FSTL5: variants seen among roughly 807,000 people sequenced by gnomAD.
The protein encoded by FSTL5 is follistatin like 5.
FSTL5 carries 62 observed loss-of-function variants against 89.1 expected under a neutral mutation model. The ratio of observed to expected loss-of-function variants is 0.70; its 90% CI spans 0.57 to 0.86. The LOEUF is 0.86. Ranked by LOEUF, FSTL5 falls within the 40% of genes least tolerant of loss-of-function variation. The probability of loss-of-function intolerance (pLI) is 0.00; values close to 1 mark genes in which losing one functional copy is unlikely to be tolerated. For synonymous variants in FSTL5, 383 were observed against 346.2 expected (o/e 1.11, Z -1.18); for missense variants, 1,057 against 1,001.6 (o/e 1.06, Z -0.75).
At chr4:161,739,137 T>C (rs1739915966) in intron 6 of FSTL5, among the ~76,000 whole-genome samples, 1 of 152,188 alleles carries the variant, frequency 6.6e-6, no homozygotes, top group South Asian at 2.1e-4. Flanking sequence ...ATCCCCAGTA[T>C]TTTAGAATGT....
intron 6 of FSTL5, among the ~76,000 whole-genome samples, chr4:161,715,647 C>T (rs1738948301): frequency 6.6e-6 from 1 of 152,162 alleles, no homozygotes; most frequent in Admixed American, 6.5e-5. Context: ...ACTCCTAACT[C>T]CTACAACCAA....
At chr4:161,838,145 C>G (rs1487296403) in intron 4 of FSTL5, among the ~76,000 whole-genome samples, 1 of 152,028 alleles carries the variant, frequency 6.6e-6, no homozygotes, top group Non-Finnish European at 1.5e-5. Flanking sequence ...TAAAACTCAA[C>G]TAAAGCAAAA....
At chr4:161,525,443 C>T (rs1731184600) in intron 10 of FSTL5, among the ~76,000 whole-genome samples, 1 of 152,100 alleles carries the variant, frequency 6.6e-6, no homozygotes, top group African/African-American at 2.4e-5. Flanking sequence ...GGTAATACTC[C>T]GTTGGTGTTC....
At chr4:161,527,934 G>T (rs935777790) in intron 10 of FSTL5, among the ~76,000 whole-genome samples, 68 of 149,430 alleles carry the variant, frequency 4.6e-4, no homozygotes, top group South Asian at 1.1e-3. Flanking sequence ...AGAAAATGTG[G>T]CACATATACA....
intron 8 of FSTL5, among the ~76,000 whole-genome samples, chr4:161,564,971 A>G (rs1287197609): frequency 6.6e-6 from 1 of 151,938 alleles, no homozygotes; most frequent in Non-Finnish European, 1.5e-5. Context: ...ATTTTATAAA[A>G]CTATATGATG....
chr4:161,575,414 G>A (rs1408975623), intron 8 of FSTL5, among the ~76,000 whole-genome samples: 1 of 151,930 alleles, frequency 6.6e-6, no homozygotes. Flanking sequence ...TGAAGTCTTT[G>A]CCCATGCCTA....
intron 10 of FSTL5, among the ~76,000 whole-genome samples, chr4:161,514,905 T>C (rs896055771): frequency 1.3e-5 from 2 of 152,060 alleles, no homozygotes; most frequent in African/African-American, 4.8e-5. Context: ...AAATTTTGTT[T>C]GCAATAGCTT....
chr4:161,782,867 G>A (rs1419367244), intron 4 of FSTL5, among the ~76,000 whole-genome samples: 2 of 152,132 alleles, frequency 1.3e-5, no homozygotes, highest in Admixed American at 6.6e-5. Flanking sequence ...CAATAAAGAT[G>A]TTCTAGTATC....
intron 3 of FSTL5, among the ~76,000 whole-genome samples, chr4:162,012,973 C>A (rs1341682233): frequency 6.6e-6 from 1 of 152,060 alleles, no homozygotes; most frequent in East Asian, 1.9e-4. Flanking sequence ...CACATGAGGT[C>A]AGGAGTTCAA....
chr4:161,438,769 AAACT>A (rs547949824), intron 15 of FSTL5, among the ~76,000 whole-genome samples: 312 of 152,288 alleles, frequency 2.0e-3, no homozygotes, highest in Admixed American at 3.9e-3. Flanking sequence ...ATTTTTTTAC[AAACT>A]AACTATTATA....
intron 2 of FSTL5, among the ~76,000 whole-genome samples, chr4:162,068,782 C>T (rs943298339): frequency 6.6e-6 from 1 of 151,932 alleles, no homozygotes; most frequent in African/African-American, 2.4e-5. Flanking sequence ...AAAATTTTTG[C>T]AATCTATCCA....
chr4:161,832,558 G>A (rs1308327631), intron 4 of FSTL5, among the ~76,000 whole-genome samples: 1 of 152,074 alleles, frequency 6.6e-6, no homozygotes, highest in Admixed American at 6.6e-5. Flanking sequence ...CAATTTCAGA[G>A]CCTGTTATTG....
At chr4:161,578,045 A>G (rs1249409949) in intron 8 of FSTL5, among the ~76,000 whole-genome samples, 2 of 152,128 alleles carry the variant, frequency 1.3e-5, no homozygotes, top group East Asian at 1.9e-4. Flanking sequence ...GCTTCGGCAA[A>G]TCTATCCTCT....
intron 3 of FSTL5, among the ~76,000 whole-genome samples, chr4:162,001,493 G>T (rs2111106713): frequency 6.6e-6 from 1 of 152,154 alleles, no homozygotes; most frequent in East Asian, 1.9e-4. Flanking sequence ...ATGAGATCTA[G>T]TTCTCCTCAT....
At chr4:161,590,097 A>G (rs532833065) in intron 7 of FSTL5, among the ~76,000 whole-genome samples, 49 of 152,320 alleles carry the variant, frequency 3.2e-4, no homozygotes, top group African/African-American at 9.4e-4. Context: ...GGTAAATTCA[A>G]CTTCATAAAT....
intron 6 of FSTL5, among the ~76,000 whole-genome samples, chr4:161,667,148 G>T (rs1736929778): frequency 1.3e-5 from 2 of 151,676 alleles, no homozygotes; most frequent in Non-Finnish European, 2.9e-5. Context: ...TTCTTTTAGT[G>T]GTCTTATAAA....
intron 8 of FSTL5, 86 bp downstream of exon 8, chr4:161,587,369 G>GT: frequency 7.5e-7 from 1 of 1,333,774 alleles, no homozygotes; most frequent in Non-Finnish European, 1.1e-6. Flanking sequence ...TTAGTACCTT[G>GT]TAAAAACTCA....
chr4:162,131,105 G>A (rs1019635067), intron 1 of FSTL5, among the ~76,000 whole-genome samples: 1 of 152,086 alleles, frequency 6.6e-6, no homozygotes, highest in Non-Finnish European at 1.5e-5. Context: ...TGGGTTTATA[G>A]ATCATTGTCT....
intron 4 of FSTL5, among the ~76,000 whole-genome samples, chr4:161,839,656 A>G (rs1390103215): frequency 1.3e-5 from 2 of 152,218 alleles, no homozygotes; most frequent in Admixed American, 6.5e-5. Context: ...ACAGAAAAAC[A>G]TAATCTATTT....
Sources: allele counts gnomAD v4.1 joint callset (sites outside exome capture counted in the v4.1 genomes callset), GRCh38; gene constraint gnomAD v4.1.1; transcripts MANE v1.5; gene names NCBI Gene and HGNC (gene_info 2026-07-23, HGNC 2026-07-21).